The following TRPC3 variants were observed in gnomAD, a reference collection of about 807,000 sequenced individuals.
TRPC3 encodes short transient receptor potential channel 3.
A neutral mutation model predicts 90.9 loss-of-function variants in TRPC3; 54 were observed. That is an observed-to-expected ratio of 0.59 (90% confidence interval 0.48 to 0.75). The LOEUF (loss-of-function observed/expected upper bound fraction) is 0.75. TRPC3 is among the 30% of genes least tolerant of loss of function. The pLI is 0.00. For synonymous variants in TRPC3, 424 were observed against 450.9 expected (o/e 0.94, Z 0.75); for missense variants, 918 against 1,194.5 (o/e 0.77, Z 3.41).
chr4:121,909,515 G>A (rs956707282), intron 6 of TRPC3, among the ~76,000 whole-genome samples: 1 of 152,086 alleles, frequency 6.6e-6, no homozygotes, highest in African/African-American at 2.4e-5. Context: ...CCATTGGTTT[G>A]TACGGGGCAA....
At chr4:121,938,580 A>G (rs1002265440) in intron 1 of TRPC3, among the ~76,000 whole-genome samples, 1 of 152,252 alleles carries the variant, frequency 6.6e-6, no homozygotes, top group South Asian at 2.1e-4. Flanking sequence ...AATGTTTTCA[A>G]TGCACTATCA....
At chr4:121,926,258 T>C (rs937228167) in intron 2 of TRPC3, among the ~76,000 whole-genome samples, 1 of 152,216 alleles carries the variant, frequency 6.6e-6, no homozygotes, top group Admixed American at 6.5e-5. Context: ...TCCGCCTTTG[T>C]TATTGTTCCG....
rs571634686 is a variant in TRPC3, at chr4:121,877,404, GC to G, written c.*2331del. Among the ~76,000 whole-genome samples, 4 of 152,182 alleles carry G rather than the reference GC, an allele frequency of 2.6e-5. No individual in the cohort carries two copies. The East Asian group carries it at 5.8e-4, about 22-fold the overall frequency. On this transcript the variant is annotated 3_prime_UTR_variant, in exon 12 of 12. Transcript: ENST00000379645. ...GAGCATGAACTGCACTGAATAGTTGGCCCCATCTTGAGACAAGGGGCCAGCC... is the reference window on the plus strand; with the variant it reads ...GAGCATGAACTGCACTGAATAGTTGGCCCATCTTGAGACAAGGGGCCAGCC...
chr4:121,883,136 T>G (rs768339075), intron 10 of TRPC3, among the ~76,000 whole-genome samples: 4 of 152,060 alleles, frequency 2.6e-5, no homozygotes, highest in Non-Finnish European at 5.9e-5. Context: ...AACACAAAAA[T>G]TAATTCCATT....
At chr4:121,900,528 G>A in intron 9 of TRPC3, among the ~76,000 whole-genome samples, 1 of 152,196 alleles carries the variant, frequency 6.6e-6, no homozygotes, top group Non-Finnish European at 1.5e-5. Context: ...TTACAATTGT[G>A]CCTGGAGAAA....
intron 1 of TRPC3, among the ~76,000 whole-genome samples, chr4:121,946,136 A>G (rs1730478181): frequency 6.6e-6 from 1 of 152,190 alleles, no homozygotes; most frequent in Admixed American, 6.5e-5. Flanking sequence ...GAAAAAGCAA[A>G]GAATAAAAAT....
intron 1 of TRPC3, among the ~76,000 whole-genome samples, chr4:121,934,692 T>G (rs572552303): frequency 6.6e-6 from 1 of 152,300 alleles, no homozygotes; most frequent in African/African-American, 2.4e-5. Context: ...GGTGGATGAC[T>G]AAATTGGGAA....
chr4:121,883,186 A>G (rs1371442496), intron 10 of TRPC3, among the ~76,000 whole-genome samples: 1 of 152,086 alleles, frequency 6.6e-6, no homozygotes, highest in Non-Finnish European at 1.5e-5. Flanking sequence ...TGAACCCTTA[A>G]AAGAACGTAT....
chr4:121,916,836 C>A (rs1729335096), intron 3 of TRPC3, among the ~76,000 whole-genome samples: 1 of 152,092 alleles, frequency 6.6e-6, no homozygotes, highest in African/African-American at 2.4e-5. Context: ...ACCTCAGCCT[C>A]CCAAGTAGCT....
chr4:121,948,053 A>G (rs1302807081), intron 1 of TRPC3, among the ~76,000 whole-genome samples: 1 of 152,112 alleles, frequency 6.6e-6, no homozygotes, highest in Non-Finnish European at 1.5e-5. Context: ...CACTCCTTTG[A>G]GTAATCTCAT....
At chr4:121,933,640 G>A (rs187659858) in intron 1 of TRPC3, among the ~76,000 whole-genome samples, 1 of 151,868 alleles carries the variant, frequency 6.6e-6, no homozygotes, top group Non-Finnish European at 1.5e-5. Flanking sequence ...CTTTTTTAGA[G>A]ACAGGGTCTC....
chr4:121,899,589 A>C (rs1728634514), intron 10 of TRPC3, 23 bp downstream of exon 10: 1 of 1,593,060 alleles, frequency 6.3e-7, no homozygotes, highest in African/African-American at 1.3e-5. Flanking sequence ...AGAGATCAAG[A>C]GATACGTCTA....
At chr4:121,947,112 GT>G (rs1199845716) in intron 1 of TRPC3, among the ~76,000 whole-genome samples, 4 of 138,738 alleles carry the variant, frequency 2.9e-5, no homozygotes, top group Admixed American at 7.7e-5. Flanking sequence ...GAGCCTAGGA[GT>G]TTGAGTCTGC....
chr4:121,912,939 A>T (rs1016216519), intron 4 of TRPC3, among the ~76,000 whole-genome samples: 3 of 152,208 alleles, frequency 2.0e-5, no homozygotes, highest in Non-Finnish European at 4.4e-5. Flanking sequence ...TTTATCAAGT[A>T]TGTTCTCTTT....
chr4:121,897,493 T>A (rs199627639), intron 10 of TRPC3, among the ~76,000 whole-genome samples: 260 of 56,658 alleles, frequency 4.6e-3, no homozygotes, highest in East Asian at 0.039. Context: ...AAAAAAAAAA[T>A]TCCAATTAAA....
At chr4:121,926,685 G>A (rs1374143513) in intron 2 of TRPC3, among the ~76,000 whole-genome samples, 1 of 152,128 alleles carries the variant, frequency 6.6e-6, no homozygotes, top group African/African-American at 2.4e-5. Context: ...GGGATTACAG[G>A]CATGAGTCAC....
At chr4:121,950,193 A>G (rs543614198) in intron 1 of TRPC3, among the ~76,000 whole-genome samples, 23 of 152,226 alleles carry the variant, frequency 1.5e-4, no homozygotes, top group African/African-American at 5.1e-4. Context: ...ACTCTTCCCT[A>G]TGGGATCTAC....
At chr4:121,940,720 C>T (rs536446735) in intron 1 of TRPC3, among the ~76,000 whole-genome samples, 1 of 152,238 alleles carries the variant, frequency 6.6e-6, no homozygotes, top group Admixed American at 6.5e-5. Context: ...CCACTTCAGC[C>T]CAAGCTTTTG....
At chr4:121,897,062 T>C (rs1017976541) in intron 10 of TRPC3, among the ~76,000 whole-genome samples, 4 of 152,032 alleles carry the variant, frequency 2.6e-5, no homozygotes, top group Admixed American at 6.6e-5. Flanking sequence ...CTTCAATAAC[T>C]GGTGCTGGGA....
Sources: gnomAD v4.1 joint callset for allele counts (sites outside exome capture counted in the v4.1 genomes callset) on GRCh38, gnomAD v4.1.1 for gene constraint, MANE v1.5 for transcripts, NCBI Gene and HGNC (gene_info 2026-07-23, HGNC 2026-07-21) for gene names.